The following ZRANB3 variants were observed in gnomAD, a reference collection of about 807,000 sequenced individuals.
ZRANB3 encodes DNA annealing helicase and endonuclease ZRANB3.
In ZRANB3, 125 loss-of-function variants were observed where a neutral mutation model predicts 133.8. The observed-to-expected ratio is 0.93, with a 90% confidence interval of 0.81 to 1.08. The LOEUF (loss-of-function observed/expected upper bound fraction) is 1.08. Among genes scored for constraint, ZRANB3 ranks in the 50% least tolerant of loss-of-function variants. The pLI is 0.00. For synonymous variants in ZRANB3, 387 were observed against 432.7 expected (o/e 0.89, Z 1.31); for missense variants, 1,229 against 1,275.5 (o/e 0.96, Z 0.56).
At chr2:135,319,654 G>A (rs1683424894) in intron 6 of ZRANB3, among the ~76,000 whole-genome samples, 1 of 152,114 alleles carries the variant, frequency 6.6e-6, no homozygotes, top group African/African-American at 2.4e-5. Flanking sequence ...GTACTCACAT[G>A]TTCCCAGCAT....
intron 8 of ZRANB3, 115 bp downstream of exon 8, chr2:135,313,374 T>C: frequency 1.7e-6 from 1 of 603,266 alleles, no homozygotes; most frequent in East Asian, 3.2e-5. Context: ...AAAAAAAGAG[T>C]TAAACAATAG....
At chr2:135,316,842 T>C (rs1278226863) in intron 6 of ZRANB3, among the ~76,000 whole-genome samples, 1 of 151,682 alleles carries the variant, frequency 6.6e-6, no homozygotes, top group Non-Finnish European at 1.5e-5. Flanking sequence ...GGTGTGTGCC[T>C]GTAGTCCCAG....
chr2:135,306,025 T>A (rs1462497746), intron 8 of ZRANB3, among the ~76,000 whole-genome samples: 1 of 152,240 alleles, frequency 6.6e-6, no homozygotes, highest in Non-Finnish European at 1.5e-5. Flanking sequence ...TCTCCCTTTG[T>A]CTTTGACTTC....
chr2:135,470,795 A>C (rs1416665140), intron 2 of ZRANB3, among the ~76,000 whole-genome samples: 1 of 151,146 alleles, frequency 6.6e-6, no homozygotes, highest in Non-Finnish European at 1.5e-5. Context: ...ATGATCACGA[A>C]ATTTCTTTCT....
chr2:135,447,447 G>A (rs867151955), intron 2 of ZRANB3, among the ~76,000 whole-genome samples: 4 of 152,012 alleles, frequency 2.6e-5, no homozygotes, highest in Admixed American at 6.6e-5. Context: ...TTTTATAAAT[G>A]CTGTGGCTTT....
intron 2 of ZRANB3, among the ~76,000 whole-genome samples, chr2:135,403,067 T>A (rs1024654255): frequency 7.2e-5 from 11 of 151,886 alleles, no homozygotes; most frequent in African/African-American, 2.7e-4. Flanking sequence ...CCAACTGAGG[T>A]ACAAGGCTCA....
rs114217668 is a variant in ZRANB3, at chr2:135,356,275, G to C, written c.181-2647C>G. Among the ~76,000 whole-genome samples the C allele has an allele frequency of 9.8e-3, 1,493 of 152,202 alleles. 23 individuals are homozygous for C. Among genetic ancestry groups the C allele is most frequent in the African/African-American group, 0.034 (1,424 of 41,534 alleles). On this transcript the variant is annotated intron_variant, in intron 3 of 20. Coordinates refer to ENST00000264159, the MANE Select transcript of ZRANB3 (RefSeq NM_032143.4). ...ACTACATTCTTAAAAATTGCAAAGA[G>C]AGTAGATTTTAAGTGTTCCCATCAC...
chr2:135,473,017 C>T (rs1022291316), intron 2 of ZRANB3, among the ~76,000 whole-genome samples: 2 of 152,158 alleles, frequency 1.3e-5, no homozygotes, highest in Non-Finnish European at 2.9e-5. Flanking sequence ...ACTAGTACAG[C>T]TGTACTATAA....
chr2:135,329,591 T>G (rs948340396), intron 6 of ZRANB3, among the ~76,000 whole-genome samples: 2 of 152,228 alleles, frequency 1.3e-5, no homozygotes, highest in Non-Finnish European at 2.9e-5. Flanking sequence ...TCCAATTCTG[T>G]GAAGAAAGTC....
intron 19 of ZRANB3, among the ~76,000 whole-genome samples, chr2:135,204,043 T>C (rs1296478204): frequency 6.6e-6 from 1 of 152,218 alleles, no homozygotes; most frequent in Admixed American, 6.5e-5. Flanking sequence ...ACTTCACGGC[T>C]GCTGGCCATG....
rs534751020 is a variant in ZRANB3 at position 135,516,642 on chromosome 2, A to T, written c.-7-12146T>A. Among the ~76,000 whole-genome samples, 9 of 152,292 alleles carry T rather than the reference A, an allele frequency of 5.9e-5. No individual in the cohort carries two copies. In the South Asian group the frequency reaches 1.7e-3, roughly 28 times the overall value. ...GGTTTCTGCTGAGAGATCCACTGTT[A>T]GTCTGATGAGCTTCCCTTCGTTACC... On this transcript the variant is annotated intron_variant, in intron 1 of 20. Coordinates refer to ENST00000264159, the MANE Select transcript of ZRANB3 (RefSeq NM_032143.4).
chr2:135,506,282 C>G (rs764065050), intron 1 of ZRANB3, among the ~76,000 whole-genome samples: 4 of 152,056 alleles, frequency 2.6e-5, no homozygotes, highest in Non-Finnish European at 5.9e-5. Flanking sequence ...CCCAGCTACT[C>G]AGGAGGCTGA....
At chr2:135,500,587 T>C (rs1050767060) in intron 2 of ZRANB3, among the ~76,000 whole-genome samples, 1 of 152,008 alleles carries the variant, frequency 6.6e-6, no homozygotes, top group Non-Finnish European at 1.5e-5. Flanking sequence ...AGGATAGTGG[T>C]TACTTTTCAA....
In ZRANB3 at chr2:135,492,057, T is replaced by C. The variant is rs149172629; in HGVS notation, c.161+12272A>G. On this transcript the variant is annotated intron_variant, in intron 2 of 20. Coordinates refer to ENST00000264159, the MANE Select transcript of ZRANB3 (RefSeq NM_032143.4). ...GTGGATTCCAAACCAAACCTTTAAA[T>C]TACTAATGGTTTATACTAAACGAAA... 3.2e-3 allele frequency among the ~76,000 whole-genome samples: 487 copies of C among 152,246 alleles called. 3 individuals are homozygous for C. Among genetic ancestry groups the C allele is most frequent in the African/African-American group, 0.01 (430 of 41,558 alleles).
intron 17 of ZRANB3, among the ~76,000 whole-genome samples, 152 bp downstream of exon 17, chr2:135,217,313 T>G (rs1320838141): frequency 6.6e-6 from 1 of 152,326 alleles, no homozygotes; most frequent in Middle Eastern, 3.4e-3. Context: ...ATAATTATCT[T>G]GTTATGAAAC....
chr2:135,422,459 T>C (rs930904084), intron 2 of ZRANB3, among the ~76,000 whole-genome samples: 3 of 151,400 alleles, frequency 2.0e-5, no homozygotes, highest in Non-Finnish European at 2.9e-5. Context: ...TAGAATGCCA[T>C]ATTCTTCTGG....
At chr2:135,437,518 G>C (rs1030655352) in intron 2 of ZRANB3, among the ~76,000 whole-genome samples, 3 of 152,264 alleles carry the variant, frequency 2.0e-5, no homozygotes, top group Admixed American at 2.0e-4. Flanking sequence ...CATATTTCCA[G>C]TTTAGATGCT....
At chr2:135,377,949 G>T (rs760926776) in intron 3 of ZRANB3, among the ~76,000 whole-genome samples, 8 of 152,186 alleles carry the variant, frequency 5.3e-5, no homozygotes, top group Non-Finnish European at 1.2e-4. Context: ...AAAAATGTGA[G>T]AAGAGAGACT....
At chr2:135,473,445 C>A (rs969295146) in intron 2 of ZRANB3, among the ~76,000 whole-genome samples, 3 of 151,962 alleles carry the variant, frequency 2.0e-5, no homozygotes, top group Admixed American at 6.6e-5. Flanking sequence ...AAACTACTAC[C>A]ATTGCCCACA....
Sources: allele counts gnomAD v4.1 joint callset (sites outside exome capture counted in the v4.1 genomes callset), GRCh38; gene constraint gnomAD v4.1.1; transcripts MANE v1.5; gene names NCBI Gene and HGNC (gene_info 2026-07-23, HGNC 2026-07-21).